The following FSHR variants were observed in gnomAD, a reference collection of about 807,000 sequenced individuals.
FSHR encodes follicle stimulating hormone receptor.
In FSHR, 46 loss-of-function variants were observed where a neutral mutation model predicts 52.1. The observed-to-expected ratio is 0.88, with a 90% CI of 0.70 to 1.13. FSHR has a LOEUF of 1.13. Among genes scored for constraint, FSHR ranks in the 50% most tolerant of loss-of-function variants. The pLI is 0.00. For synonymous variants in FSHR, 399 were observed against 309.6 expected (o/e 1.29, Z -3.03); for missense variants, 964 against 834.6 (o/e 1.16, Z -1.91).
At chr2:49,022,801 C>T (rs1198595386) in intron 2 of FSHR, among the ~76,000 whole-genome samples, 1 of 152,156 alleles carries the variant, frequency 6.6e-6, no homozygotes, top group Admixed American at 6.5e-5. Flanking sequence ...GTGCCTTCAT[C>T]CTCAAGCACA....
intron 5 of FSHR, among the ~76,000 whole-genome samples, chr2:48,989,585 T>A (rs1675680554): frequency 6.6e-6 from 1 of 152,180 alleles, no homozygotes; most frequent in South Asian, 2.1e-4. Flanking sequence ...ATGGCTTACT[T>A]TTTTCTTCTG....
intron 1 of FSHR, among the ~76,000 whole-genome samples, chr2:49,118,050 G>C (rs13001440): frequency 0.25 from 37,630 of 152,118 alleles, 5,001 homozygotes; most frequent in East Asian, 0.47. Flanking sequence ...GGGCCTACCT[G>C]ATGAGTAGGT....
chr2:49,124,294 C>T (rs1014335674), intron 1 of FSHR, among the ~76,000 whole-genome samples: 1 of 151,828 alleles, frequency 6.6e-6, no homozygotes, highest in African/African-American at 2.4e-5. Flanking sequence ...CACACCCGGC[C>T]GAGTTTTCTT....
intron 1 of FSHR, among the ~76,000 whole-genome samples, chr2:49,132,457 T>C (rs1449876226): frequency 6.6e-6 from 1 of 152,192 alleles, no homozygotes; most frequent in Non-Finnish European, 1.5e-5. Flanking sequence ...TTGCTCACCA[T>C]GTCACACTGT....
intron 8 of FSHR, among the ~76,000 whole-genome samples, chr2:48,973,047 G>T (rs1034140520): frequency 6.6e-6 from 1 of 152,242 alleles, no homozygotes; most frequent in South Asian, 2.1e-4. Flanking sequence ...GATGTCTTCG[G>T]ATAAAAGAAT....
At chr2:49,022,010 GA>G (rs1328652026) in intron 2 of FSHR, among the ~76,000 whole-genome samples, 4 of 150,234 alleles carry the variant, frequency 2.7e-5, no homozygotes, top group African/African-American at 4.9e-5. Context: ...AATTGAGAAG[GA>G]GGGGGAAAGG....
chr2:49,020,183 G>A (rs761775278), intron 2 of FSHR, 23 bp from the exon 3 acceptor site: 5 of 1,581,402 alleles, frequency 3.2e-6, no homozygotes, highest in Non-Finnish European at 4.3e-6. Flanking sequence ...AAATATATAA[G>A]TCAAGCCAGT....
chr2:49,094,988 G>C (rs2882224), intron 1 of FSHR, among the ~76,000 whole-genome samples: 21,680 of 151,906 alleles, frequency 0.14, 1,597 homozygotes, highest in East Asian at 0.23. Context: ...GAACAAAAAG[G>C]ATTATGTGAA....
intron 2 of FSHR, among the ~76,000 whole-genome samples, chr2:49,053,935 A>G (rs1668961339): frequency 6.6e-6 from 1 of 152,208 alleles, no homozygotes; most frequent in African/African-American, 2.4e-5. Context: ...AACATTTTCC[A>G]GATTAGGGAG....
At chr2:49,018,943 G>T (rs1479725282) in intron 3 of FSHR, among the ~76,000 whole-genome samples, 2 of 152,170 alleles carry the variant, frequency 1.3e-5, no homozygotes, top group Non-Finnish European at 2.9e-5. Flanking sequence ...ATACAAAAGA[G>T]TCAAAAGATT....
intron 1 of FSHR, among the ~76,000 whole-genome samples, chr2:49,124,831 C>T (rs1244071861): frequency 2.0e-5 from 3 of 152,180 alleles, no homozygotes; most frequent in Non-Finnish European, 4.4e-5. Flanking sequence ...AGATCACATC[C>T]TTTCAATTGC....
At chr2:49,026,283 A>C (rs1667907629) in intron 2 of FSHR, among the ~76,000 whole-genome samples, 3 of 152,222 alleles carry the variant, frequency 2.0e-5, no homozygotes, top group Admixed American at 2.0e-4. Flanking sequence ...AAGTAATCTA[A>C]AATTTGACAT....
intron 8 of FSHR, among the ~76,000 whole-genome samples, chr2:48,974,294 A>T (rs755603813): frequency 3.9e-5 from 6 of 152,172 alleles, no homozygotes; most frequent in Non-Finnish European, 8.8e-5. Flanking sequence ...CTTGAATGCA[A>T]TCCAGTGTTT....
At chr2:49,076,516 C>T (rs1286741633) in intron 1 of FSHR, among the ~76,000 whole-genome samples, 15 of 152,144 alleles carry the variant, frequency 9.9e-5, no homozygotes, top group Non-Finnish European at 2.1e-4. Flanking sequence ...TGAGTGGGGA[C>T]ACAGAGCCAA....
chr2:49,120,999 C>T (rs1050724782), intron 1 of FSHR, among the ~76,000 whole-genome samples: 3 of 152,184 alleles, frequency 2.0e-5, no homozygotes, highest in South Asian at 2.1e-4. Flanking sequence ...ATTAGAAGTC[C>T]TGTAGAGACT....
intron 1 of FSHR, among the ~76,000 whole-genome samples, chr2:49,073,346 A>G (rs1669822559): frequency 6.6e-6 from 1 of 152,130 alleles, no homozygotes; most frequent in Non-Finnish European, 1.5e-5. Flanking sequence ...GAACTGATAA[A>G]TGAATTAAGT....
intron 4 of FSHR, among the ~76,000 whole-genome samples, chr2:49,010,317 T>G (rs1393378853): frequency 6.8e-6 from 1 of 147,216 alleles, no homozygotes; most frequent in Non-Finnish European, 1.5e-5. Context: ...TCTGTTTATA[T>G]GCTGGATTAC....
At chr2:49,058,796 T>C (rs766494127) in intron 2 of FSHR, among the ~76,000 whole-genome samples, 4 of 152,076 alleles carry the variant, frequency 2.6e-5, no homozygotes, top group Non-Finnish European at 4.4e-5. Flanking sequence ...ATGAGGTAAA[T>C]TGAAAAGGAT....
rs774816038 is a variant in FSHR at position 48,968,716 on chromosome 2, G to T, written c.836C>A (p.Ala279Glu). The T allele has an allele frequency of 6.2e-7, 1 of 1,614,140 alleles. No homozygotes were observed. Among genetic ancestry groups the T allele is most frequent in the Non-Finnish European group, 8.5e-7 (1 of 1,179,992 alleles). ...LTYPSHCCAF[A>E]NWRRQISELH... The stretch of plus-strand genomic sequence containing the variant: ...GACTCACATTTGCCGTCTCCAGTTT[G>T]CAAAGGCACAGCAATGGCTGGGATA... The change falls in exon 9 of 10, where the codon GCA (alanine) becomes GAA (glutamate). Residue 279 changes from alanine (A) to glutamate (E), a missense_variant. Physicochemically the swap from Ala to Glu is moderately radical, Grantham distance 107 (BLOSUM62 -1). Transcript: ENST00000406846.
Sources: gnomAD v4.1 joint callset for allele counts (sites outside exome capture counted in the v4.1 genomes callset) on GRCh38, gnomAD v4.1.1 for gene constraint, MANE v1.5 for transcripts, NCBI Gene and HGNC (gene_info 2026-07-23, HGNC 2026-07-21) for gene names.